The following CLYBL variants were observed in gnomAD, a reference collection of about 807,000 sequenced individuals.
CLYBL encodes citramalyl-CoA lyase, mitochondrial.
In CLYBL, 31 loss-of-function variants were observed where a neutral mutation model predicts 38.9. The ratio of observed to expected loss-of-function variants is 0.80; its 90% CI spans 0.60 to 1.08. The LOEUF is 1.08. CLYBL is among the 50% of genes least tolerant of loss of function. The pLI is 0.00. For synonymous variants in CLYBL, 171 were observed against 158.6 expected (o/e 1.08, Z -0.59); for missense variants, 434 against 411.6 (o/e 1.05, Z -0.47).
At chr13:99,784,449 C>CTCTT (rs71121010) in intron 2 of CLYBL, among the ~76,000 whole-genome samples, 33 of 52,106 alleles carry the variant, frequency 6.3e-4, no homozygotes, top group Non-Finnish European at 1.1e-3. Flanking sequence ...AAAATTCTCT[C>CTCTT]TTTTTTTTTT....
At chr13:99,846,465 C>T (rs77621781) in intron 2 of CLYBL, among the ~76,000 whole-genome samples, 4,505 of 152,156 alleles carry the variant, frequency 0.03, 103 homozygotes, top group Non-Finnish European at 0.05. Context: ...TGCAGTATCA[C>T]GTACCTGCAG....
At chr13:99,705,428 A>C (rs1396376802) in intron 1 of CLYBL, among the ~76,000 whole-genome samples, 1 of 152,164 alleles carries the variant, frequency 6.6e-6, no homozygotes, top group Non-Finnish European at 1.5e-5. Flanking sequence ...TAAAAGTATG[A>C]AATTAGCCAG....
chr13:99,746,378 T>C (rs980643380), intron 1 of CLYBL, among the ~76,000 whole-genome samples: 2 of 147,168 alleles, frequency 1.4e-5, no homozygotes, highest in African/African-American at 2.5e-5. Context: ...TTTTTTTACA[T>C]AGAATCACCA....
At chr13:99,799,377 T>TCACACACA (rs142411916) in intron 2 of CLYBL, among the ~76,000 whole-genome samples, 1,623 of 150,282 alleles carry the variant, frequency 0.011, 28 homozygotes, top group African/African-American at 0.031. Flanking sequence ...ATACACACAT[T>TCACACACA]CACACACACA....
At chr13:99,778,380 C>A (rs748594151) in intron 2 of CLYBL, among the ~76,000 whole-genome samples, 88 of 152,108 alleles carry the variant, frequency 5.8e-4, no homozygotes, top group Non-Finnish European at 1.0e-3. Context: ...TAAACTGAAT[C>A]ATTATTGCCT....
chr13:99,644,466 A>G (rs2047147761), intron 1 of CLYBL, among the ~76,000 whole-genome samples: 1 of 152,234 alleles, frequency 6.6e-6, no homozygotes, highest in African/African-American at 2.4e-5. Context: ...CAAGGTAAAT[A>G]GGGTATCTCT....
chr13:99,712,453 G>A (rs549549326), intron 1 of CLYBL, among the ~76,000 whole-genome samples: 2 of 151,052 alleles, frequency 1.3e-5, no homozygotes, highest in South Asian at 4.2e-4. Flanking sequence ...TCCCGCCTCA[G>A]CCTCCCAAGT....
intron 1 of CLYBL, among the ~76,000 whole-genome samples, chr13:99,656,154 G>A (rs1206612035): frequency 6.6e-6 from 1 of 152,050 alleles, no homozygotes; most frequent in Non-Finnish European, 1.5e-5. Flanking sequence ...TGTAATTAGA[G>A]CAGAAAAGGT....
At chr13:99,833,855 C>T (rs745847162) in intron 2 of CLYBL, among the ~76,000 whole-genome samples, 23 of 151,812 alleles carry the variant, frequency 1.5e-4, no homozygotes, top group Non-Finnish European at 2.9e-4. Context: ...GCACACACCA[C>T]CACACCCAGC....
chr13:99,668,133 A>G (rs905152035), intron 1 of CLYBL, among the ~76,000 whole-genome samples: 2 of 152,008 alleles, frequency 1.3e-5, no homozygotes, highest in Non-Finnish European at 1.5e-5. Flanking sequence ...AAATAGCCAT[A>G]CATGGTGGCA....
At chr13:99,790,337 G>A (rs373877653) in intron 2 of CLYBL, among the ~76,000 whole-genome samples, 342 of 152,222 alleles carry the variant, frequency 2.2e-3, no homozygotes, top group African/African-American at 7.1e-3. Context: ...GGCTGGTACC[G>A]GTTGTTCCTT....
chr13:99,690,118 C>T (rs2047878061), intron 1 of CLYBL: 2 of 152,226 alleles, frequency 1.3e-5, no homozygotes, highest in Non-Finnish European at 1.5e-5. Flanking sequence ...CCTCCTCCCC[C>T]AGCCCCAGTG....
At chr13:99,687,502 C>T (rs1045224346) in intron 1 of CLYBL, among the ~76,000 whole-genome samples, 1 of 152,074 alleles carries the variant, frequency 6.6e-6, no homozygotes, top group Non-Finnish European at 1.5e-5. Context: ...CTGTAATGTG[C>T]GTTTGTTTCA....
chr13:99,758,301 G>T (rs184302210), intron 1 of CLYBL, among the ~76,000 whole-genome samples: 30 of 152,218 alleles, frequency 2.0e-4, no homozygotes, highest in African/African-American at 7.2e-4. Context: ...CAAAAACAAG[G>T]CCAGGTGGGG....
At chr13:99,724,057 T>C (rs1339633663) in intron 1 of CLYBL, among the ~76,000 whole-genome samples, 1 of 152,178 alleles carries the variant, frequency 6.6e-6, no homozygotes, top group Non-Finnish European at 1.5e-5. Context: ...TTGTCTTTGT[T>C]TTTTGCTGTA....
rs1355195010 is a variant in CLYBL at position 99,882,729 on chromosome 13, A to G, written c.928-8589A>G. Among the ~76,000 whole-genome samples, 4 of 152,194 alleles carry G rather than the reference A, an allele frequency of 2.6e-5. No homozygotes were observed. In the East Asian group the frequency reaches 7.7e-4, roughly 29 times the overall value. ...TCACATGAAACCTCTTTTTTGGGTA[A>G]TGGGTCTTCCTAATAGAATTACCCT... On this transcript the variant is annotated intron_variant, in intron 7 of 8. Transcript: ENST00000339105.
chr13:99,884,131 C>T (rs1252843156), intron 7 of CLYBL, among the ~76,000 whole-genome samples: 1 of 152,190 alleles, frequency 6.6e-6, no homozygotes, highest in Non-Finnish European at 1.5e-5. Flanking sequence ...GCTGGGATTA[C>T]ACTACCACAC....
intron 2 of CLYBL, among the ~76,000 whole-genome samples, chr13:99,840,363 A>ATACTT (rs2051041617): frequency 1.3e-5 from 2 of 151,962 alleles, no homozygotes; most frequent in South Asian, 4.2e-4. Context: ...TGTAATCCCA[A>ATACTT]TACTTTGGGA....
intron 1 of CLYBL, among the ~76,000 whole-genome samples, chr13:99,716,466 C>G (rs1177398850): frequency 6.7e-6 from 1 of 150,054 alleles, no homozygotes; most frequent in Non-Finnish European, 1.5e-5. Flanking sequence ...TCACTGCAAC[C>G]TCCGCCTCCC....
Sources: allele counts gnomAD v4.1 joint callset (sites outside exome capture counted in the v4.1 genomes callset), GRCh38; gene constraint gnomAD v4.1.1; transcripts MANE v1.5; gene names NCBI Gene and HGNC (gene_info 2026-07-23, HGNC 2026-07-21).